MED13: variants seen among roughly 807,000 people sequenced by gnomAD.
MED13 encodes the protein mediator complex subunit 13.
A neutral mutation model predicts 225.2 loss-of-function variants in MED13; 23 were observed. The observed-to-expected ratio is 0.10, with a 90% CI of 0.07 to 0.14. The LOEUF (loss-of-function observed/expected upper bound fraction) is 0.14, where lower values mean the gene tolerates loss of function less well. Ranked by LOEUF, MED13 falls within the 10% of genes least tolerant of loss-of-function variation. The pLI, the probability that MED13 is intolerant of heterozygous loss-of-function variation, is 1.00. For synonymous variants in MED13, 942 were observed against 889.2 expected, an observed-to-expected ratio of 1.06 and a Z score of -1.06; for missense variants, 2,197 against 2,594.5, an observed-to-expected ratio of 0.85 and a Z score of 3.33.
chr17:61,971,624 TAA>T (rs1386962346), intron 17 of MED13, among the ~76,000 whole-genome samples: 2 of 152,150 alleles, frequency 1.3e-5, no homozygotes, highest in African/African-American at 4.8e-5. Context: ...TAAAATAATG[TAA>T]AAGTTTATAC....
intron 3 of MED13, among the ~76,000 whole-genome samples, chr17:62,039,077 C>T (rs949216123): frequency 2.0e-5 from 3 of 152,136 alleles, no homozygotes; most frequent in Non-Finnish European, 2.9e-5. Context: ...TTCCAAAGTA[C>T]AAAACATGTA....
intron 8 of MED13, among the ~76,000 whole-genome samples, chr17:62,017,758 A>C (rs922837790): frequency 3.3e-5 from 5 of 152,230 alleles, no homozygotes; most frequent in Non-Finnish European, 7.3e-5. Flanking sequence ...TCCTTCATGA[A>C]GACAGCAAAA....
rs1300588028 is a variant in MED13, at chr17:61,996,769, A to G, written c.1968-1404T>C. Among the ~76,000 whole-genome samples the G allele has an allele frequency of 3.3e-5, 5 of 152,168 alleles. No individual in the cohort carries two copies. The East Asian group carries it at 9.6e-4, about 29-fold the overall frequency. ...TCCTGCATAGCATTTATCTTTTAAC[A>G]TATTACATAATTTATTATATTCATA... On this transcript the variant is annotated intron_variant, in intron 9 of 29. Transcript: ENST00000397786.
chr17:61,946,566 G>C lies in MED13; in HGVS notation c.6427C>G (p.Leu2143Val). The change falls in exon 30 of 30, where the codon CTA becomes GTA. Residue 2143 changes from leucine (L) to valine (V), a missense_variant. Leu to Val is a conservative substitution (Grantham distance 32). This residue lies in a region of MED13 where 216 missense variants were observed against 388.9 expected (regional missense o/e 0.56). Coordinates refer to ENST00000397786, the MANE Select transcript of MED13 (RefSeq NM_005121.3). ...VLEQYNALSW[L>V]TCDPATQDRR... ...TCCTGGGTTGCAGGGTCACAGGTTA[G>C]CCAGGAGAGTGCATTGTACTGTTCC... 6.2e-7 allele frequency: 1 copy of C among 1,614,002 alleles called. No homozygotes were observed. The highest frequency in any genetic ancestry group is 8.5e-7 in the Non-Finnish European group (1 of 1,179,952).
intron 3 of MED13, among the ~76,000 whole-genome samples, chr17:62,045,019 CAAA>C (rs199634037): frequency 0.016 from 2,456 of 150,274 alleles, 58 homozygotes; most frequent in African/African-American, 0.057. Context: ...GTAAATATAT[CAAA>C]AAAGATTTAA....
At chr17:61,998,024 T>C (rs1439902930) in intron 9 of MED13, among the ~76,000 whole-genome samples, 2 of 152,184 alleles carry the variant, frequency 1.3e-5, no homozygotes, top group Non-Finnish European at 2.9e-5. Context: ...ATGTAGTCAA[T>C]TTCAAGAGTA....
At chr17:62,049,660 C>T (rs1004351371) in intron 3 of MED13, among the ~76,000 whole-genome samples, 1 of 152,064 alleles carries the variant, frequency 6.6e-6, no homozygotes, top group African/African-American at 2.4e-5. Context: ...GGCTGGGCGC[C>T]GTGGCTCACG....
chr17:62,031,039 C>G (rs555585755), intron 6 of MED13: 1 of 153,288 alleles, frequency 6.5e-6, no homozygotes. Flanking sequence ...AATAAAAGCA[C>G]GCTACTTTTA....
Position 62,061,139 on chromosome 17 carries a change from G to A in MED13, c.301+1928C>T, listed in dbSNP as rs781718558. On this transcript the variant is annotated intron_variant, in intron 2 of 29. Coordinates refer to ENST00000397786, the MANE Select transcript of MED13 (RefSeq NM_005121.3). The stretch of plus-strand genomic sequence containing the variant: ...CTGACTGGTAACATGAAACCTAGAA[G>A]ACAAAACTGACTTTTAACAATATCC... Among the ~76,000 whole-genome samples the A allele has an allele frequency of 2.6e-5, 4 of 152,214 alleles. No homozygotes were observed. In the South Asian group the frequency reaches 6.2e-4, roughly 24 times the overall value.
Position 61,989,710 on chromosome 17 carries a change from A to G in MED13, c.2264-2582T>C, listed in dbSNP as rs115964065. Among the ~76,000 whole-genome samples the G allele has an allele frequency of 5.6e-3, 847 of 152,290 alleles. 8 individuals carry two copies. Among genetic ancestry groups the G allele is most frequent in the African/African-American group, 0.02 (812 of 41,554 alleles). On this transcript the variant is annotated intron_variant, in intron 11 of 29. Coordinates refer to ENST00000397786, the MANE Select transcript of MED13 (RefSeq NM_005121.3). ...GGTCTTGAACTCCTGGCCTCAAGCAATTCTCCTACTGTGGCCTCCCAAAAT... is the reference window on the plus strand; with the variant it reads ...GGTCTTGAACTCCTGGCCTCAAGCAGTTCTCCTACTGTGGCCTCCCAAAAT...
At chr17:61,979,380 G>GT (rs2080184252) in intron 16 of MED13, among the ~76,000 whole-genome samples, 1 of 152,022 alleles carries the variant, frequency 6.6e-6, no homozygotes, top group Admixed American at 6.6e-5. Flanking sequence ...TACAATCATG[G>GT]TTCACCGAAT....
At chr17:62,050,394 A>T (rs1356436509) in intron 3 of MED13, among the ~76,000 whole-genome samples, 1 of 151,860 alleles carries the variant, frequency 6.6e-6, no homozygotes, top group Non-Finnish European at 1.5e-5. Context: ...GAGGGAAAAG[A>T]AGTGTGTGCA....
intron 3 of MED13, among the ~76,000 whole-genome samples, chr17:62,049,078 C>CAAAAAAA (rs890393330): frequency 2.5e-3 from 113 of 45,306 alleles, no homozygotes; most frequent in African/African-American, 9.0e-3. Flanking sequence ...GTAAATAAGA[C>CAAAAAAA]AAAAAAAAAA....
chr17:62,044,444 CA>C (rs2080881574), intron 3 of MED13, among the ~76,000 whole-genome samples: 1 of 152,104 alleles, frequency 6.6e-6, no homozygotes. Flanking sequence ...CCCACAAAAT[CA>C]AAAATTTATC....
At chr17:61,970,140 A>T (rs1035154580) in intron 17 of MED13, among the ~76,000 whole-genome samples, 2 of 152,208 alleles carry the variant, frequency 1.3e-5, no homozygotes, top group African/African-American at 4.8e-5. Context: ...AAAAAACATA[A>T]GGCAGAAACT....
At chr17:61,977,073 T>A (rs2080163491) in intron 16 of MED13, among the ~76,000 whole-genome samples, 1 of 152,270 alleles carries the variant, frequency 6.6e-6, no homozygotes, top group South Asian at 2.1e-4. Context: ...TTTAATATCC[T>A]GATCATCTAC....
chr17:61,995,222 T>C lies in MED13; in HGVS notation c.2111A>G (p.Asp704Gly), dbSNP rs779505862. The C allele has an allele frequency of 2.5e-6, 4 of 1,613,880 alleles. No homozygotes were observed. Among genetic ancestry groups the C allele is most frequent in the East Asian group, 2.2e-5 (1 of 44,832 alleles). Residue 704 changes from aspartate to glycine, a missense_variant, in exon 10 of 30, where the codon GAT (aspartate) becomes GGT (glycine). Coordinates refer to ENST00000397786, the MANE Select transcript of MED13 (RefSeq NM_005121.3). ...KIDPYAFVEGDEEFLFPDKKD... is the reference protein window; with the variant it reads ...KIDPYAFVEGGEEFLFPDKKD... ...TTTATCAGGAAAAAGGAATTCCTCA[T>C]CTCCTTCAACAAATGCATATGGATC...
chr17:62,025,197 A>G (rs2080689341), intron 8 of MED13, among the ~76,000 whole-genome samples: 1 of 152,216 alleles, frequency 6.6e-6, no homozygotes, highest in South Asian at 2.1e-4. Flanking sequence ...AGACTGTGTC[A>G]CAACTATTCA....
intron 2 of MED13, among the ~76,000 whole-genome samples, chr17:62,053,422 A>G (rs190514971): frequency 6.6e-6 from 1 of 152,358 alleles, no homozygotes; most frequent in African/African-American, 2.4e-5. Flanking sequence ...TTTGCCAACA[A>G]ATCTATTAAT....
Sources: gnomAD v4.1 joint callset for allele counts (sites outside exome capture counted in the v4.1 genomes callset) on GRCh38, gnomAD v4.1.1 for gene constraint, gnomAD v4.1.1 regional missense constraint, MANE v1.5 for transcripts, NCBI Gene and HGNC (gene_info 2026-07-23, HGNC 2026-07-21) for gene names.